The following NUP98 variants were observed in gnomAD, a reference collection of about 807,000 sequenced individuals.
NUP98 encodes nuclear pore complex protein Nup98-Nup96.
Under a neutral mutation model 191.9 loss-of-function variants are expected in NUP98, and 26 were observed. That is an observed-to-expected ratio of 0.14 (90% CI 0.10 to 0.19). The LOEUF is 0.19. Ranked by LOEUF, NUP98 falls within the 10% of genes least tolerant of loss-of-function variation. The probability of loss-of-function intolerance (pLI) is 1.00; values close to 1 mark genes in which losing one functional copy is unlikely to be tolerated. For synonymous variants in NUP98, 808 were observed against 778.4 expected (o/e 1.04, Z -0.63); for missense variants, 1,941 against 2,178.8 (o/e 0.89, Z 2.17).
At chr11:3,771,538 C>T (rs973079358) in intron 7 of NUP98, among the ~76,000 whole-genome samples, 1 of 152,188 alleles carries the variant, frequency 6.6e-6, no homozygotes, top group Non-Finnish European at 1.5e-5. Context: ...GCTCAAACAT[C>T]ACCTTCTCCT....
At chr11:3,683,112 G>T in intron 30 of NUP98, 88 bp downstream of exon 30, 2 of 1,557,918 alleles carry the variant, frequency 1.3e-6, no homozygotes, top group South Asian at 1.2e-5. Flanking sequence ...CCTACGTTGA[G>T]TCTTATTTCC....
At chr11:3,737,154 A>G (rs956035337) in intron 12 of NUP98, among the ~76,000 whole-genome samples, 19 of 152,158 alleles carry the variant, frequency 1.2e-4, no homozygotes, top group African/African-American at 4.3e-4. Flanking sequence ...AAAACATAAT[A>G]AAGTCATTTT....
chr11:3,776,222 A>G (rs1396384616), intron 4 of NUP98, among the ~76,000 whole-genome samples: 1 of 151,176 alleles, frequency 6.6e-6, no homozygotes, highest in East Asian at 1.9e-4. Context: ...CACAGGCTCA[A>G]GCAATACTCC....
chr11:3,781,116 G>A (rs923457517), intron 2 of NUP98, among the ~76,000 whole-genome samples: 21 of 146,080 alleles, frequency 1.4e-4, no homozygotes, highest in African/African-American at 4.9e-4. Context: ...GGTCTGGGAG[G>A]TTGAGGCTGT....
At chr11:3,682,632 A>G (rs149282737) in intron 30 of NUP98, among the ~76,000 whole-genome samples, 5 of 152,362 alleles carry the variant, frequency 3.3e-5, no homozygotes, top group African/African-American at 1.2e-4. Context: ...AAACAGCAAC[A>G]TCAAAGATTG....
At chr11:3,775,575 C>G (rs182783797) in intron 5 of NUP98, among the ~76,000 whole-genome samples, 1 of 150,832 alleles carries the variant, frequency 6.6e-6, no homozygotes, top group Non-Finnish European at 1.5e-5. Context: ...GAAAATTGAA[C>G]AGTTGACCAT....
intron 20 of NUP98, among the ~76,000 whole-genome samples, chr11:3,710,973 C>G (rs1034770059): frequency 6.6e-6 from 1 of 151,938 alleles, no homozygotes; most frequent in Non-Finnish European, 1.5e-5. Flanking sequence ...GCCATGGTGA[C>G]TCACGCCTGT....
chr11:3,786,654 C>T lies in NUP98; in HGVS notation c.-28-4509G>A, dbSNP rs892776220. On this transcript the variant is annotated intron_variant, in intron 1 of 32. Transcript: ENST00000324932. ...TCCAATCAATGGACAGACATATATT[C>T]TGACACTGTCCAAACTGAAGTTCTA... Among the ~76,000 whole-genome samples the T allele has an allele frequency of 3.3e-5, 5 of 152,318 alleles. No individual in the cohort carries two copies. In the East Asian group the frequency reaches 9.6e-4, roughly 29 times the overall value.
At chr11:3,717,205 G>A (rs1420270238) in intron 18 of NUP98, among the ~76,000 whole-genome samples, 1 of 152,014 alleles carries the variant, frequency 6.6e-6, no homozygotes, top group East Asian at 1.9e-4. Context: ...ATGTTGGCCA[G>A]GCTCACTTGT....
chr11:3,787,696 A>G (rs2082190131), intron 1 of NUP98, among the ~76,000 whole-genome samples: 1 of 152,042 alleles, frequency 6.6e-6, no homozygotes, highest in Admixed American at 6.6e-5. Flanking sequence ...CTTTATTAGT[A>G]TAAAAACACT....
chr11:3,731,587 C>T lies in NUP98; in HGVS notation c.1543-9G>A, dbSNP rs1243106458. 1 of 1,512,914 alleles carries T rather than the reference C, an allele frequency of 6.6e-7. No homozygotes were observed. Among genetic ancestry groups the T allele is most frequent in the Non-Finnish European group, 8.9e-7 (1 of 1,127,306 alleles). 93.7% of individuals were successfully genotyped at this position (1,512,914 alleles called of 1,614,324 possible). A position where few individuals can be genotyped will look rare whatever the true frequency, so the allele number is the denominator to read the frequency against. On this transcript the variant is annotated splice_polypyrimidine_tract_variant and intron_variant, in intron 13 of 32. Transcript: ENST00000324932. The stretch of plus-strand genomic sequence containing the variant: ...TTTGTTGGTTTCAATCTCTGAAAAA[C>T]AAAAGCATCAAGGAAATTTTTGGTT...
At chr11:3,787,355 G>T (rs940925716) in intron 1 of NUP98, among the ~76,000 whole-genome samples, 2 of 151,960 alleles carry the variant, frequency 1.3e-5, no homozygotes, top group Admixed American at 6.6e-5. Context: ...GCCAAGGTGG[G>T]CAGATCAACT....
rs934358770 is a variant in NUP98, at chr11:3,675,808, G to A, written c.*351C>T. 2.5e-6 allele frequency: 1 copy of A among 393,890 alleles called. No homozygotes were observed. The highest frequency in any genetic ancestry group is 4.7e-6 in the Non-Finnish European group (1 of 213,826). 24.4% of individuals were successfully genotyped at this position (393,890 alleles called of 1,614,324 possible). A position where few individuals can be genotyped will look rare whatever the true frequency, so the allele number is the denominator to read the frequency against. On this transcript the variant is annotated 3_prime_UTR_variant, in exon 33 of 33. Coordinates refer to ENST00000324932, the MANE Select transcript of NUP98 (RefSeq NM_016320.5). ...GGCCAGGGTAGGAGTAGGGAAGCTG[G>A]TTGGCATGGAGGGTCACAAGATCCA...
intron 1 of NUP98, among the ~76,000 whole-genome samples, chr11:3,794,969 A>T (rs1406550318): frequency 2.0e-5 from 3 of 152,224 alleles, no homozygotes; most frequent in Non-Finnish European, 4.4e-5. Flanking sequence ...AACAAATTAC[A>T]TAACTGCATA....
At chr11:3,681,795 C>T (rs181264075) in intron 30 of NUP98, among the ~76,000 whole-genome samples, 28 of 152,322 alleles carry the variant, frequency 1.8e-4, no homozygotes, top group African/African-American at 6.5e-4. Context: ...TGCTTACCAT[C>T]ACCAGCTGAA....
intron 26 of NUP98, 99 bp from the exon 27 acceptor site, chr11:3,693,474 T>G: frequency 8.5e-7 from 1 of 1,171,766 alleles, no homozygotes; most frequent in Non-Finnish European, 1.2e-6. Context: ...CAAGGAACAT[T>G]TTAAATGATT....
At chr11:3,719,374 T>G in intron 18 of NUP98, 38 bp downstream of exon 18, 1 of 1,552,288 alleles carries the variant, frequency 6.4e-7, no homozygotes, top group Non-Finnish European at 8.7e-7. Context: ...AAAATTGTGA[T>G]TTAGCTGATA....
At chr11:3,722,384 G>C (rs570348578) in intron 16 of NUP98, among the ~76,000 whole-genome samples, 4 of 151,824 alleles carry the variant, frequency 2.6e-5, no homozygotes, top group Non-Finnish European at 5.9e-5. Flanking sequence ...CCAAAGTGCT[G>C]AGCCACCACA....
intron 30 of NUP98, among the ~76,000 whole-genome samples, chr11:3,681,703 T>C (rs1039079771): frequency 6.6e-6 from 1 of 152,232 alleles, no homozygotes; most frequent in African/African-American, 2.4e-5. Context: ...AGGCTTTGTT[T>C]TTCCGTTTAC....
Sources: allele counts gnomAD v4.1 joint callset (sites outside exome capture counted in the v4.1 genomes callset), GRCh38; gene constraint gnomAD v4.1.1; transcripts MANE v1.5; gene names NCBI Gene and HGNC (gene_info 2026-07-23, HGNC 2026-07-21).